CEP112: variants seen among roughly 807,000 people sequenced by gnomAD.
The protein encoded by CEP112 is centrosomal protein of 112 kDa.
A neutral mutation model predicts 153.0 loss-of-function variants in CEP112; 127 were observed. The observed-to-expected ratio is 0.83, with a 90% CI of 0.72 to 0.96. The LOEUF (loss-of-function observed/expected upper bound fraction) is 0.96, where lower values mean the gene tolerates loss of function less well. Ranked by LOEUF, CEP112 falls within the 40% of genes least tolerant of loss-of-function variation. The pLI is 0.00. For synonymous variants in CEP112, 358 were observed against 374.4 expected, an observed-to-expected ratio of 0.96 and a Z score of 0.51; for missense variants, 1,089 against 1,101.2, an observed-to-expected ratio of 0.99 and a Z score of 0.16.
intron 24 of CEP112, among the ~76,000 whole-genome samples, chr17:65,662,459 C>CT (rs2046435161): frequency 6.6e-6 from 1 of 152,054 alleles, no homozygotes; most frequent in Non-Finnish European, 1.5e-5. Flanking sequence ...TTGCCCAGAT[C>CT]TTTTTTTAAA....
At chr17:65,696,151 C>T (rs890768719) in intron 23 of CEP112, among the ~76,000 whole-genome samples, 6 of 152,072 alleles carry the variant, frequency 3.9e-5, no homozygotes, top group Admixed American at 3.3e-4. Context: ...GCATTCTTGC[C>T]CCCTTTTAGA....
At chr17:66,085,407 A>G (rs2067882496) in intron 8 of CEP112, among the ~76,000 whole-genome samples, 1 of 152,170 alleles carries the variant, frequency 6.6e-6, no homozygotes. Flanking sequence ...GTCAACGTCA[A>G]TCTAAAATGC....
chr17:66,163,760 T>C (rs1004890674), intron 4 of CEP112, among the ~76,000 whole-genome samples: 3 of 152,138 alleles, frequency 2.0e-5, no homozygotes, highest in African/African-American at 4.8e-5. Flanking sequence ...ATCTCTGACT[T>C]AGAACACTCA....
At chr17:65,802,597 C>G (rs1291243582) in intron 21 of CEP112, among the ~76,000 whole-genome samples, 1 of 152,154 alleles carries the variant, frequency 6.6e-6, no homozygotes, top group African/African-American at 2.4e-5. Context: ...ACTAAAACAC[C>G]TCCTATCAAA....
chr17:65,655,284 G>C (rs2015256), intron 24 of CEP112: 473,301 of 1,341,784 alleles, frequency 0.35, 84,923 homozygotes, highest in Middle Eastern at 0.44. Context: ...GTTGGGTGCA[G>C]GCTGAGCGAC....
intron 25 of CEP112, among the ~76,000 whole-genome samples, chr17:65,640,154 A>ATATATATATAT (rs1300751452): frequency 2.6e-5 from 2 of 78,348 alleles, no homozygotes; most frequent in African/African-American, 1.4e-4. Context: ...ATATATATAT[A>ATATATATATAT]TTTTTTTTTT....
intron 19 of CEP112, among the ~76,000 whole-genome samples, chr17:65,922,661 A>T (rs1568233383): frequency 6.6e-6 from 1 of 152,010 alleles, no homozygotes; most frequent in Non-Finnish European, 1.5e-5. Context: ...TAGTATCATA[A>T]CCTCTGACTA....
At chr17:65,869,181 T>C (rs2058573053) in intron 20 of CEP112, among the ~76,000 whole-genome samples, 1 of 152,234 alleles carries the variant, frequency 6.6e-6, no homozygotes, top group African/African-American at 2.4e-5. Flanking sequence ...GGAAAATATT[T>C]TTAAGATCCC....
intron 18 of CEP112, among the ~76,000 whole-genome samples, chr17:65,947,651 T>C (rs887008048): frequency 6.6e-6 from 1 of 152,156 alleles, no homozygotes; most frequent in Admixed American, 6.5e-5. Flanking sequence ...AAGTGTTTTG[T>C]TTATTTTTTG....
At chr17:66,075,158 C>T (rs1253647920) in intron 8 of CEP112, among the ~76,000 whole-genome samples, 1 of 152,124 alleles carries the variant, frequency 6.6e-6, no homozygotes, top group Non-Finnish European at 1.5e-5. Flanking sequence ...CCATTTTTAT[C>T]TTCTCACAAT....
chr17:65,869,196 A>G (rs2058573636), intron 20 of CEP112, among the ~76,000 whole-genome samples: 1 of 152,264 alleles, frequency 6.6e-6, no homozygotes, highest in African/African-American at 2.4e-5. Context: ...GATCCCTTAA[A>G]TGACCAAGAG....
chr17:65,971,415 A>AGCGCATATATTGGATGCATGTGATGTAT (rs2062795195), intron 17 of CEP112, among the ~76,000 whole-genome samples: 1 of 151,416 alleles, frequency 6.6e-6, no homozygotes, highest in Admixed American at 6.6e-5. Flanking sequence ...GCACCCATGC[A>AGCGCATATATTGGATGCATGTGATGTAT]GCATGCTGCA....
intron 4 of CEP112, among the ~76,000 whole-genome samples, chr17:66,167,880 A>T (rs894568274): frequency 2.0e-5 from 3 of 152,230 alleles, no homozygotes; most frequent in Non-Finnish European, 2.9e-5. Flanking sequence ...TTTCTAGAAC[A>T]GTACCTAGCA....
intron 23 of CEP112, among the ~76,000 whole-genome samples, chr17:65,713,557 T>C (rs1027180284): frequency 6.6e-6 from 1 of 152,148 alleles, no homozygotes; most frequent in African/African-American, 2.4e-5. Context: ...TTAACAGCTA[T>C]TATTCCCTCT....
chr17:65,894,444 C>T (rs993178372), intron 20 of CEP112, among the ~76,000 whole-genome samples: 1 of 152,068 alleles, frequency 6.6e-6, no homozygotes, highest in Non-Finnish European at 1.5e-5. Context: ...GACCTCATTT[C>T]TAAGTGGCTT....
chr17:66,168,471 ATATATG>A (rs1186354693), intron 4 of CEP112, among the ~76,000 whole-genome samples: 1 of 151,202 alleles, frequency 6.6e-6, no homozygotes, highest in East Asian at 1.9e-4. Context: ...ATGTGTGTGT[ATATATG>A]TATATATGTG....
intron 8 of CEP112, among the ~76,000 whole-genome samples, chr17:66,082,075 A>G (rs1194377472): frequency 6.6e-6 from 1 of 152,230 alleles, no homozygotes; most frequent in African/African-American, 2.4e-5. Context: ...GTTTCTCTTC[A>G]GATTGTATAA....
chr17:66,088,512 C>A (rs1455513308), intron 8 of CEP112, among the ~76,000 whole-genome samples: 1 of 151,640 alleles, frequency 6.6e-6, no homozygotes. Context: ...CCAGACATAC[C>A]CAATGTCAGG....
chr17:65,637,918 G>A (rs1407130973), intron 25 of CEP112, among the ~76,000 whole-genome samples: 1 of 152,220 alleles, frequency 6.6e-6, no homozygotes, highest in African/African-American at 2.4e-5. Flanking sequence ...GATTCCCTGA[G>A]GTTGGAGAGA....
Sources: allele counts gnomAD v4.1 joint callset (sites outside exome capture counted in the v4.1 genomes callset), GRCh38; gene constraint gnomAD v4.1.1; transcripts MANE v1.5; gene names NCBI Gene and HGNC (gene_info 2026-07-23, HGNC 2026-07-21).